CCDC60: variants seen among roughly 807,000 people sequenced by gnomAD.
CCDC60 encodes the protein coiled-coil domain containing 60.
In CCDC60, 54 loss-of-function variants were observed where a neutral mutation model predicts 63.5. The observed-to-expected ratio is 0.85, with a 90% CI of 0.68 to 1.07. The LOEUF is 1.07. CCDC60 is among the 50% of genes least tolerant of loss of function. The pLI is 0.00. For missense variants in CCDC60, 651 were observed against 684.3 expected (o/e 0.95, Z 0.54); for synonymous variants, 206 against 238.8 (o/e 0.86, Z 1.27).
Position 119,456,040 on chromosome 12 carries a change from AAAGAAAGAAAGAAAGAAAGAAAGCAAGC to A in CCDC60, c.171-15950_171-15923del, listed in dbSNP as rs1281384662. On this transcript the variant is annotated intron_variant, in intron 2 of 13. Transcript: ENST00000327554. The surrounding 1 kb of genome is among the most constrained non-coding windows in gnomAD (Gnocchi z 4.6). Reference sequence around the variant, plus strand: ...GAAAGAAAGAAAGAAAGAAAGAAAGAAAGAAAGAAAGAAAGAAAGAAAGCAAGCAAGCATGTGCAATTTCAAGGGGGTA... The same window carrying A: ...GAAAGAAAGAAAGAAAGAAAGAAAGAAAGCATGTGCAATTTCAAGGGGGTA... Among the ~76,000 whole-genome samples the A allele has an allele frequency of 9.0e-5, 13 of 143,954 alleles. 1 individual carries two copies. The highest frequency in any genetic ancestry group is 1.7e-4 in the Non-Finnish European group (11 of 65,954). The allele number at this position is 143,954 out of a possible 152,430, so 94.4% of individuals were successfully genotyped here. A position where few individuals can be genotyped will look rare whatever the true frequency, so the allele number is the denominator to read the frequency against.
chr12:119,415,932 A>G (rs1956690879), intron 1 of CCDC60, among the ~76,000 whole-genome samples: 1 of 152,150 alleles, frequency 6.6e-6, no homozygotes, highest in Non-Finnish European at 1.5e-5. Context: ...TGGATTAGAT[A>G]AGGGGAGGGG....
chr12:119,494,325 G>A (rs1485941570), intron 5 of CCDC60, among the ~76,000 whole-genome samples: 2 of 152,200 alleles, frequency 1.3e-5, no homozygotes, highest in East Asian at 1.9e-4. Flanking sequence ...GGAGTGAAGA[G>A]TTACCTACTA....
chr12:119,467,543 A>G (rs1307159653), intron 2 of CCDC60, among the ~76,000 whole-genome samples: 1 of 152,220 alleles, frequency 6.6e-6, no homozygotes, highest in Non-Finnish European at 1.5e-5. Flanking sequence ...GCAGTCTCCA[A>G]CCTGGAAGAG....
chr12:119,516,676 A>G lies in CCDC60; in HGVS notation c.937A>G (p.Ile313Val), dbSNP rs374554945. 7.2e-5 allele frequency: 116 copies of G among 1,613,924 alleles called. 1 individual carries two copies. The highest frequency in any genetic ancestry group is 5.2e-4 in the South Asian group (47 of 91,072). Residue 313 changes from isoleucine to valine, a missense_variant, in exon 8 of 14, where the codon ATA becomes GTA. Coordinates refer to ENST00000327554, the MANE Select transcript of CCDC60 (RefSeq NM_178499.5). Reference protein sequence around the residue: ...VREDARRTVTIENGMQRKAPS... With the variant: ...VREDARRTVTVENGMQRKAPS... The stretch of plus-strand genomic sequence containing the variant: ...GGAAGATGCCCGGAGGACAGTCACA[A>G]TAGAAAATGGGATGCAAAGAAAAGC...
At chr12:119,435,149 G>A (rs1375500511) in intron 2 of CCDC60, among the ~76,000 whole-genome samples, 2 of 152,144 alleles carry the variant, frequency 1.3e-5, no homozygotes, top group Non-Finnish European at 2.9e-5. Context: ...ACAATGACCT[G>A]TTTCCATCTC....
chr12:119,452,376 G>A (rs193187128), intron 2 of CCDC60, among the ~76,000 whole-genome samples: 2 of 152,120 alleles, frequency 1.3e-5, no homozygotes, highest in African/African-American at 2.4e-5. Flanking sequence ...CTGATTTTTT[G>A]TCTTTCACAA....
At chr12:119,356,780 A>G (rs1955723688) in intron 1 of CCDC60, among the ~76,000 whole-genome samples, 2 of 152,230 alleles carry the variant, frequency 1.3e-5, no homozygotes, top group Non-Finnish European at 1.5e-5. Context: ...TCATTGCAGT[A>G]TCTTGCATCA....
intron 1 of CCDC60, among the ~76,000 whole-genome samples, chr12:119,361,152 G>A (rs1372732466): frequency 6.8e-6 from 1 of 147,870 alleles, no homozygotes; most frequent in Non-Finnish European, 1.5e-5. Context: ...GAGACCATGG[G>A]GAGAGGGAGA....
intron 2 of CCDC60, among the ~76,000 whole-genome samples, chr12:119,432,216 G>A (rs1487333197): frequency 6.6e-6 from 1 of 152,200 alleles, no homozygotes; most frequent in Non-Finnish European, 1.5e-5. Flanking sequence ...GTGACATGTA[G>A]GATCAAGAAG....
intron 3 of CCDC60, 108 bp from the exon 4 acceptor site, chr12:119,478,986 C>A: frequency 1.3e-6 from 1 of 755,698 alleles, no homozygotes; most frequent in Non-Finnish European, 2.3e-6. Flanking sequence ...TTGCCTGATA[C>A]ATAGTAAGTG....
chr12:119,420,123 G>A lies in CCDC60; in HGVS notation c.91-8560G>A, dbSNP rs191384213. 3.9e-5 allele frequency among the ~76,000 whole-genome samples: 6 copies of A among 152,032 alleles called. No homozygotes were observed. Among genetic ancestry groups the A allele is most frequent in the South Asian group, 2.1e-4 (1 of 4,816 alleles). ...GAACTCCTGACCTCGTGATCCACCCGCCTCGGCCTCCCAAAGTGCTGAGAT... is the reference window on the plus strand; with the variant it reads ...GAACTCCTGACCTCGTGATCCACCCACCTCGGCCTCCCAAAGTGCTGAGAT... On this transcript the variant is annotated intron_variant, in intron 1 of 13. Coordinates refer to ENST00000327554, the MANE Select transcript of CCDC60 (RefSeq NM_178499.5). This position sits in a 1 kb window ranked among gnomAD's most constrained non-coding sequence, Gnocchi z 4.1.
intron 5 of CCDC60, among the ~76,000 whole-genome samples, chr12:119,490,617 T>C (rs968275398): frequency 6.6e-6 from 1 of 151,874 alleles, no homozygotes; most frequent in Admixed American, 6.6e-5. Flanking sequence ...CAGGCTAGAG[T>C]ACAGTGTCAC....
chr12:119,472,243 C>A, intron 3 of CCDC60, 79 bp downstream of exon 3: 3 of 1,371,010 alleles, frequency 2.2e-6, no homozygotes, highest in South Asian at 1.3e-5. Context: ...TAAGGTCAAG[C>A]GAGGGCAGCT....
chr12:119,496,237 G>T (rs1951713506), intron 5 of CCDC60, among the ~76,000 whole-genome samples: 1 of 152,212 alleles, frequency 6.6e-6, no homozygotes, highest in South Asian at 2.1e-4. Flanking sequence ...TTTCCACCCT[G>T]GGAAGCAGAT....
chr12:119,483,166 T>C (rs1593154658), intron 4 of CCDC60, among the ~76,000 whole-genome samples: 1 of 152,166 alleles, frequency 6.6e-6, no homozygotes, highest in East Asian at 1.9e-4. Flanking sequence ...ACTTCCCTTC[T>C]TGTTGGGGGG....
At chr12:119,463,492 A>G (rs1950895984) in intron 2 of CCDC60, among the ~76,000 whole-genome samples, 1 of 152,200 alleles carries the variant, frequency 6.6e-6, no homozygotes, top group Non-Finnish European at 1.5e-5. Flanking sequence ...CAGTTTCCTT[A>G]TCTTCAAATG....
chr12:119,464,515 C>T (rs1950916982), intron 2 of CCDC60, among the ~76,000 whole-genome samples: 1 of 151,982 alleles, frequency 6.6e-6, no homozygotes, highest in Non-Finnish European at 1.5e-5. Flanking sequence ...AAATCCTAAG[C>T]CCCCTCCAAC....
intron 1 of CCDC60, among the ~76,000 whole-genome samples, chr12:119,413,186 A>AT (rs1565995245): frequency 6.6e-6 from 1 of 152,112 alleles, no homozygotes; most frequent in Non-Finnish European, 1.5e-5. Context: ...CATTTGATTA[A>AT]TTTTTTTAAC....
chr12:119,516,069 T>C (rs1952344748), intron 7 of CCDC60, among the ~76,000 whole-genome samples: 1 of 152,092 alleles, frequency 6.6e-6, no homozygotes, highest in South Asian at 2.1e-4. Context: ...ACAGGCTGTG[T>C]TGAAAGAATT....
Sources: gnomAD v4.1 joint callset for allele counts (sites outside exome capture counted in the v4.1 genomes callset) on GRCh38, gnomAD v4.1.1 for gene constraint, Gnocchi (gnomAD v3.1) non-coding constraint, MANE v1.5 for transcripts, NCBI Gene and HGNC (gene_info 2026-07-23, HGNC 2026-07-21) for gene names.